The following NEMP2 variants were observed in gnomAD, a reference collection of about 807,000 sequenced individuals.
The protein encoded by NEMP2 is UPF0571 transmembrane protein.
A neutral mutation model predicts 54.2 loss-of-function variants in NEMP2; 53 were observed. The observed-to-expected ratio is 0.98, with a 90% CI of 0.78 to 1.23. The LOEUF (loss-of-function observed/expected upper bound fraction) is 1.23, where lower values mean the gene tolerates loss of function less well. NEMP2 is among the 50% of genes most tolerant of loss of function. The pLI is 0.00. For missense variants in NEMP2, 455 were observed against 511.3 expected, an observed-to-expected ratio of 0.89 and a Z score of 1.06; for synonymous variants, 197 against 190.3, an observed-to-expected ratio of 1.04 and a Z score of -0.29.
the NEMP2 span, among the ~76,000 whole-genome samples, chr2:190,444,393 T>G: frequency 1.7e-4 from 26 of 152,336 alleles, no homozygotes; most frequent in South Asian, 4.8e-3. Context: ...AGAATATAGT[T>G]TAGCCACAAC....
chr2:190,524,492 G>A (rs1690861783), intron 2 of NEMP2, among the ~76,000 whole-genome samples: 1 of 152,092 alleles, frequency 6.6e-6, no homozygotes, highest in African/African-American at 2.4e-5. Context: ...AATGCTTGCT[G>A]ATACAATGTT....
chr2:190,503,960 C>CCTAA (rs1690123269), downstream of NEMP2, among the ~76,000 whole-genome samples: 2 of 152,306 alleles, frequency 1.3e-5, no homozygotes, highest in Admixed American at 1.3e-4. The surrounding 1 kb of genome is among the most constrained non-coding windows in gnomAD (Gnocchi z 6.3). Flanking sequence ...CAGCTGTGTA[C>CCTAA]CTAACTCTCA....
upstream of NEMP2, among the ~76,000 whole-genome samples, chr2:190,536,743 A>G (rs1191603433): frequency 6.6e-6 from 1 of 152,220 alleles, no homozygotes; most frequent in African/African-American, 2.4e-5. Flanking sequence ...CCAGCACTCT[A>G]GGTTCCACAC....
At chr2:190,551,763 G>A in the NEMP2 span, among the ~76,000 whole-genome samples, 4 of 152,158 alleles carry the variant, frequency 2.6e-5, no homozygotes, top group African/African-American at 9.7e-5. Flanking sequence ...ATAACTGTTA[G>A]TAGGACTGAT....
chr2:190,615,581 T>C, the NEMP2 span, among the ~76,000 whole-genome samples: 1 of 152,168 alleles, frequency 6.6e-6, no homozygotes. The surrounding 1 kb of genome is among the most constrained non-coding windows in gnomAD (Gnocchi z 4.7). Context: ...ACAGGCATGA[T>C]TGATAAATCA....
chr2:190,436,529 C>T, the NEMP2 span: 2 of 1,614,246 alleles, frequency 1.2e-6, no homozygotes, highest in Non-Finnish European at 8.5e-7. The surrounding 1 kb of genome is among the most constrained non-coding windows in gnomAD (Gnocchi z 5.3). Context: ...CGCCCAACAA[C>T]TCACCCCACC....
chr2:190,635,755 A>G, the NEMP2 span, among the ~76,000 whole-genome samples: 70 of 152,366 alleles, frequency 4.6e-4, no homozygotes, highest in Middle Eastern at 3.4e-3. The surrounding 1 kb of genome is among the most constrained non-coding windows in gnomAD (Gnocchi z 4.1). Context: ...GACTACACCT[A>G]GGAGTGCAAT....
In NEMP2 at chr2:190,514,745, G is replaced by C. The variant is rs1369690023; in HGVS notation, c.728-67C>G. 7.0e-7 allele frequency: 1 copy of C among 1,432,856 alleles called. No individual in the cohort carries two copies. The highest frequency in any genetic ancestry group is 1.4e-5 in the African/African-American group (1 of 70,288). The allele number at this position is 1,432,856 out of a possible 1,614,324, so 88.8% of individuals were successfully genotyped here. A position where few individuals can be genotyped will look rare whatever the true frequency, so the allele number is the denominator to read the frequency against. ...GAGACATTATGTGAAAAACCTGGCA[G>C]AGCCTTGACTTAAAGGTAAAAACTA... is the stretch of plus-strand genomic sequence containing the variant. On this transcript the variant is annotated intron_variant, in intron 6 of 8. Coordinates refer to ENST00000409150, the MANE Select transcript of NEMP2 (RefSeq NM_001142645.2). The surrounding 1 kb of genome is among the most constrained non-coding windows in gnomAD (Gnocchi z 5.7).
At chr2:190,474,173 AAC>A in the NEMP2 span, among the ~76,000 whole-genome samples, 35,006 of 151,782 alleles carry the variant, frequency 0.23, 4,910 homozygotes, top group South Asian at 0.34. Flanking sequence ...AGCAAGAGCA[AAC>A]ACATTCAAAA....
the NEMP2 span, chr2:190,626,556 T>C: frequency 2.0e-5 from 3 of 152,218 alleles, no homozygotes; most frequent in African/African-American, 7.2e-5. The surrounding 1 kb of genome is among the most constrained non-coding windows in gnomAD (Gnocchi z 4.5). Flanking sequence ...CAATGCTTTA[T>C]AGCATTCACT....
the NEMP2 span, among the ~76,000 whole-genome samples, chr2:190,430,207 CT>C: frequency 2.4e-3 from 320 of 132,062 alleles, no homozygotes; most frequent in Middle Eastern, 7.5e-3. Context: ...AGTCCTCATT[CT>C]TTTTTTTTTT....
At chr2:190,588,329 A>C in the NEMP2 span, among the ~76,000 whole-genome samples, 10 of 152,172 alleles carry the variant, frequency 6.6e-5, no homozygotes, top group Non-Finnish European at 1.5e-4. The surrounding 1 kb of genome is among the most constrained non-coding windows in gnomAD (Gnocchi z 5.0). Flanking sequence ...ATAATGAGAA[A>C]ATAATCTCTC....
chr2:190,548,964 C>T, the NEMP2 span, among the ~76,000 whole-genome samples: 1 of 152,230 alleles, frequency 6.6e-6, no homozygotes, highest in African/African-American at 2.4e-5. Flanking sequence ...AAGTGTACAT[C>T]CATAGACACT....
At position 190,519,124 on chromosome 2, in the gene NEMP2, G is replaced by GC. The variant is rs955115058; in HGVS notation, c.272dup (p.Cys91TrpfsTer17). 7.7e-6 allele frequency: 12 copies of GC among 1,550,810 alleles called. No individual in the cohort carries two copies. The highest frequency in any genetic ancestry group is 1.0e-5 in the Non-Finnish European group (12 of 1,146,970). ...AAGATAGAATGTTTTCTGGATATTG[G>GC]CAATTATGTCTTTCTGCGATATATA... On this transcript the variant is annotated frameshift_variant, in exon 3 of 9. Transcript: ENST00000409150. LOFTEE classifies it high-confidence loss of function. This position sits in a 1 kb window ranked among gnomAD's most constrained non-coding sequence, Gnocchi z 5.4.
the NEMP2 span, among the ~76,000 whole-genome samples, chr2:190,563,660 G>A: frequency 1.3e-5 from 2 of 152,162 alleles, no homozygotes; most frequent in African/African-American, 4.8e-5. This position sits in a 1 kb window ranked among gnomAD's most constrained non-coding sequence, Gnocchi z 4.3. Flanking sequence ...CCCATCTTTT[G>A]TCTAAATTGA....
chr2:190,500,384 T>C, downstream of NEMP2: 1 of 710,880 alleles, frequency 1.4e-6, no homozygotes, highest in East Asian at 2.7e-5. This position sits in a 1 kb window ranked among gnomAD's most constrained non-coding sequence, Gnocchi z 5.3. Context: ...GGAGCTACAG[T>C]ACATATTGGC....
At chr2:190,487,819 G>A in the NEMP2 span, among the ~76,000 whole-genome samples, 1 of 152,050 alleles carries the variant, frequency 6.6e-6, no homozygotes, top group Non-Finnish European at 1.5e-5. This position sits in a 1 kb window ranked among gnomAD's most constrained non-coding sequence, Gnocchi z 5.5. Flanking sequence ...CAGCTACTTT[G>A]GAAAAAAGGT....
the NEMP2 span, among the ~76,000 whole-genome samples, chr2:190,568,781 C>T: frequency 6.6e-6 from 1 of 152,132 alleles, no homozygotes; most frequent in South Asian, 2.1e-4. The surrounding 1 kb of genome is among the most constrained non-coding windows in gnomAD (Gnocchi z 4.7). Flanking sequence ...GAGATTGCGC[C>T]ATTGCACTCC....
the NEMP2 span, among the ~76,000 whole-genome samples, chr2:190,594,750 C>T: frequency 8.1e-3 from 1,238 of 152,068 alleles, 12 homozygotes; most frequent in South Asian, 0.044. The surrounding 1 kb of genome is among the most constrained non-coding windows in gnomAD (Gnocchi z 5.6). Flanking sequence ...GTTTATTGAA[C>T]GAATAGAGTT....
Sources: gnomAD v4.1 joint callset for allele counts (sites outside exome capture counted in the v4.1 genomes callset) on GRCh38, gnomAD v4.1.1 for gene constraint, Gnocchi (gnomAD v3.1) non-coding constraint, MANE v1.5 for transcripts, NCBI Gene and HGNC (gene_info 2026-07-23, HGNC 2026-07-21) for gene names.